Variants in ABCB4 observed in about 807,000 individuals in gnomAD.
ABCB4 encodes ATP binding cassette subfamily B member 4.
In ABCB4, 76 loss-of-function variants were observed where a neutral mutation model predicts 145.7. The observed-to-expected ratio is 0.52, with a 90% CI of 0.43 to 0.63. The LOEUF (loss-of-function observed/expected upper bound fraction) is 0.63, where lower values mean the gene tolerates loss of function less well. Among genes scored for constraint, ABCB4 ranks in the 30% least tolerant of loss-of-function variants. The pLI, the probability that ABCB4 is intolerant of heterozygous loss-of-function variation, is 0.00. For synonymous variants in ABCB4, 517 were observed against 566.8 expected (o/e 0.91, Z 1.25); for missense variants, 1,234 against 1,553.1 (o/e 0.79, Z 3.45).
chr7:87,445,449 T>A (rs1422813610), intron 9 of ABCB4, among the ~76,000 whole-genome samples: 2 of 152,186 alleles, frequency 1.3e-5, no homozygotes, highest in Non-Finnish European at 2.9e-5. Context: ...AAACATAAAA[T>A]CACTCCAGTG....
chr7:87,429,432 T>C (rs1471914792), intron 15 of ABCB4, among the ~76,000 whole-genome samples: 1 of 152,240 alleles, frequency 6.6e-6, no homozygotes, highest in African/African-American at 2.4e-5. Flanking sequence ...TCTTCAAATG[T>C]ACAACTTTTC....
chr7:87,409,289 G>A lies in ABCB4; in HGVS notation c.3028C>T (p.Leu1010=). Reference sequence around the variant, plus strand: ...TCAATCAGAGGTTGTCTTTCAAACAGCATGAATAAGTGGGCTGCAGACAGC... The same window carrying A: ...TCAATCAGAGGTTGTCTTTCAAACAACATGAATAAGTGGGCTGCAGACAGC... ...AKLSAAHLFM[L]FERQPLIDSY... The change falls in exon 24 of 28, where the codon CTG becomes TTG. Residue 1010 remains leucine (L), a synonymous_variant. Transcript: ENST00000649586. 6.2e-7 allele frequency: 1 copy of A among 1,614,096 alleles called. No homozygotes were observed. The highest frequency in any genetic ancestry group is 8.5e-7 in the Non-Finnish European group (1 of 1,180,004).
chr7:87,406,440 G>A lies in ABCB4; in HGVS notation c.3334C>T (p.Leu1112Phe), dbSNP rs886044706. 2 of 1,614,028 alleles carry A rather than the reference G, an allele frequency of 1.2e-6. No homozygotes were observed. The highest frequency in any genetic ancestry group is 1.6e-4 in the Middle Eastern group (1 of 6,062). Residue 1112 changes from leucine (L) to phenylalanine (F), a missense_variant, in exon 26 of 28, where the codon CTC becomes TTC. By Grantham distance (22) the Leu-to-Phe change is conservative. Coordinates refer to ENST00000649586, the MANE Select transcript of ABCB4 (RefSeq NM_000443.4). The stretch of plus-strand genomic sequence containing the variant: ...ATAGGCTCCTGAGACACGATTCCGA[G>A]TTGAGCTCTGAGCCACTGGACATTG... ...KLNVQWLRAQ[L>F]GIVSQEPILF...
Position 87,417,520 on chromosome 7 carries a change from G to T in ABCB4, c.2479-5C>A. Reference sequence around the variant, plus strand: ...AGCCAACCTGGTTCCTGTGGCCTGGGAGAGAAAAAGCACAAAGCAACTGTA... The same window carrying T: ...AGCCAACCTGGTTCCTGTGGCCTGGTAGAGAAAAAGCACAAAGCAACTGTA... On this transcript the variant is annotated splice_polypyrimidine_tract_variant and splice_region_variant and intron_variant, in intron 20 of 27. Transcript: ENST00000649586. 6.2e-7 allele frequency: 1 copy of T among 1,613,702 alleles called. No homozygotes were observed. The highest frequency in any genetic ancestry group is 8.5e-7 in the Non-Finnish European group (1 of 1,179,660).
At chr7:87,366,936 G>A in the ABCB4 span, among the ~76,000 whole-genome samples, 7 of 152,188 alleles carry the variant, frequency 4.6e-5, no homozygotes, top group East Asian at 1.9e-4. Context: ...CACTTCCAGA[G>A]AAGACTGTTT....
chr7:87,475,462 C>T lies in ABCB4; in HGVS notation c.4G>A (p.Asp2Asn), dbSNP rs780541596. ...GTTCCGTTCTTTGCCGCCTCAAGAT[C>T]CATCTCAGCCTGAGGAGAAACCACA... M[D>N]LEAAKNGTAW... The change falls in exon 2 of 28, where the codon GAT (aspartate) becomes AAT (asparagine). Residue 2 changes from aspartate to asparagine, a missense_variant. Physicochemically the swap from Asp to Asn is conservative, Grantham distance 23. Coordinates refer to ENST00000649586, the MANE Select transcript of ABCB4 (RefSeq NM_000443.4). 1.8e-5 allele frequency: 29 copies of T among 1,614,100 alleles called. No homozygotes were observed. Among genetic ancestry groups the T allele is most frequent in the Non-Finnish European group, 2.5e-5 (29 of 1,180,046 alleles).
At chr7:87,375,409 T>G in the ABCB4 span, 1 of 461,454 alleles carries the variant, frequency 2.2e-6, no homozygotes, top group Non-Finnish European at 3.8e-6. Flanking sequence ...ATAACTAAAT[T>G]TATTTACTGA....
chr7:87,465,111 A>G (rs1399187845), intron 3 of ABCB4, among the ~76,000 whole-genome samples: 5 of 152,182 alleles, frequency 3.3e-5, no homozygotes, highest in Non-Finnish European at 7.3e-5. Flanking sequence ...GAGGTCAGGG[A>G]ATTCCCTTTC....
At chr7:87,437,568 G>A (rs1172741979) in intron 14 of ABCB4, among the ~76,000 whole-genome samples, 4 of 152,170 alleles carry the variant, frequency 2.6e-5, no homozygotes, top group Non-Finnish European at 4.4e-5. Flanking sequence ...AATAATAGCA[G>A]CAGCCAACAA....
At chr7:87,366,644 T>C in the ABCB4 span, among the ~76,000 whole-genome samples, 5 of 152,236 alleles carry the variant, frequency 3.3e-5, no homozygotes, top group African/African-American at 1.2e-4. Flanking sequence ...GCTCTCTTCA[T>C]GGCTCCATTC....
chr7:87,423,662 G>C, intron 17 of ABCB4: 1 of 507,930 alleles, frequency 2.0e-6, no homozygotes, highest in Non-Finnish European at 3.6e-6. Flanking sequence ...AATGAAGAGA[G>C]CTCATTAGAA....
At chr7:87,408,652 T>C (rs748493225) in intron 24 of ABCB4, among the ~76,000 whole-genome samples, 3 of 152,198 alleles carry the variant, frequency 2.0e-5, no homozygotes, top group Non-Finnish European at 2.9e-5. Context: ...ACTTTCTTTA[T>C]CTCACTCACT....
chr7:87,448,476 T>C (rs1424434071), intron 8 of ABCB4, among the ~76,000 whole-genome samples: 2 of 152,224 alleles, frequency 1.3e-5, no homozygotes, highest in African/African-American at 2.4e-5. Flanking sequence ...GCTGCATCTC[T>C]GGGGGTAGCC....
chr7:87,371,165 G>T, the ABCB4 span, among the ~76,000 whole-genome samples: 1 of 152,106 alleles, frequency 6.6e-6, no homozygotes, highest in African/African-American at 2.4e-5. Flanking sequence ...CTAACTCAGT[G>T]CCAAGAAGAT....
the ABCB4 span, among the ~76,000 whole-genome samples, chr7:87,379,615 G>A: frequency 4.6e-5 from 7 of 152,226 alleles, no homozygotes; most frequent in Non-Finnish European, 8.8e-5. Flanking sequence ...GGCTCATAAT[G>A]AGCATATCTC....
chr7:87,402,334 A>C (rs778139144), intron 27 of ABCB4, 32 bp from the exon 28 acceptor site: 33 of 1,611,790 alleles, frequency 2.0e-5, no homozygotes, highest in Non-Finnish European at 2.6e-5. Context: ...ACCTTATCCC[A>C]AAAATTGTAT....
intron 3 of ABCB4, among the ~76,000 whole-genome samples, chr7:87,466,210 T>C (rs891813714): frequency 1.2e-4 from 19 of 152,170 alleles, no homozygotes; most frequent in African/African-American, 3.4e-4. Flanking sequence ...TTAAAGGACC[T>C]GATGGAGCTG....
At chr7:87,397,203 T>C (rs1379764072), downstream of ABCB4, among the ~76,000 whole-genome samples, 1 of 151,946 alleles carries the variant, frequency 6.6e-6, no homozygotes, top group Admixed American at 6.6e-5. Context: ...AATACAAAAA[T>C]TAGCTGGTGT....
At chr7:87,441,759 T>C (rs1811008153) in intron 12 of ABCB4, among the ~76,000 whole-genome samples, 2 of 152,100 alleles carry the variant, frequency 1.3e-5, no homozygotes, top group Admixed American at 6.6e-5. Context: ...CCACCAGGCC[T>C]GGCTATTTTA....
Sources: gnomAD v4.1 joint callset for allele counts (sites outside exome capture counted in the v4.1 genomes callset) on GRCh38, gnomAD v4.1.1 for gene constraint, MANE v1.5 for transcripts, NCBI Gene and HGNC (gene_info 2026-07-23, HGNC 2026-07-21) for gene names.